The following ANKRD30B variants were observed in gnomAD, a reference collection of about 807,000 sequenced individuals.
The protein encoded by ANKRD30B is ankyrin repeat domain 30B.
ANKRD30B carries 144 observed loss-of-function variants against 202.2 expected under a neutral mutation model. The ratio of observed to expected loss-of-function variants is 0.71; its 90% CI spans 0.62 to 0.82. ANKRD30B has a LOEUF of 0.82. Among genes scored for constraint, ANKRD30B ranks in the 40% least tolerant of loss-of-function variants. The pLI, the probability that ANKRD30B is intolerant of heterozygous loss-of-function variation, is 0.00. For synonymous variants in ANKRD30B, 508 were observed against 561.3 expected (o/e 0.91, Z 1.34); for missense variants, 1,487 against 1,669.1 (o/e 0.89, Z 1.90).
At chr18:14,805,220 C>G (rs1395144405) in intron 24 of ANKRD30B, among the ~76,000 whole-genome samples, 1 of 150,938 alleles carries the variant, frequency 6.6e-6, no homozygotes, top group South Asian at 2.1e-4. Flanking sequence ...ATATACCAAA[C>G]CAGACTAATT....
At chr18:14,924,999 C>T in the ANKRD30B span, among the ~76,000 whole-genome samples, 2 of 152,208 alleles carry the variant, frequency 1.3e-5, no homozygotes, top group South Asian at 4.1e-4. Flanking sequence ...CAGTTATGAG[C>T]ACTGAATGGG....
the ANKRD30B span, among the ~76,000 whole-genome samples, chr18:14,874,084 G>A: frequency 1.3e-5 from 2 of 152,206 alleles, no homozygotes; most frequent in Admixed American, 6.5e-5. Flanking sequence ...TGGTGATTGT[G>A]TCTACCTCAA....
intron 8 of ANKRD30B, among the ~76,000 whole-genome samples, chr18:14,770,070 C>A (rs576385358): frequency 2.3e-4 from 35 of 152,126 alleles, no homozygotes; most frequent in Non-Finnish European, 4.4e-4. Flanking sequence ...TTCTTCAAAG[C>A]AGTTCCCTGC....
the ANKRD30B span, among the ~76,000 whole-genome samples, chr18:14,890,898 T>C: frequency 6.6e-6 from 1 of 152,124 alleles, no homozygotes; most frequent in African/African-American, 2.4e-5. Context: ...GTTGAAATAG[T>C]ATTTACAAAA....
chr18:14,785,887 A>G (rs990359473), intron 14 of ANKRD30B, among the ~76,000 whole-genome samples: 1 of 151,990 alleles, frequency 6.6e-6, no homozygotes, highest in Non-Finnish European at 1.5e-5. Context: ...AAATACAAAA[A>G]ATTAGCCGGG....
At chr18:14,764,248 T>C (rs1387572201) in intron 7 of ANKRD30B, among the ~76,000 whole-genome samples, 158 bp downstream of exon 7, 1 of 152,178 alleles carries the variant, frequency 6.6e-6, no homozygotes, top group Non-Finnish European at 1.5e-5. Flanking sequence ...GATCTTATTC[T>C]GTAGGCCCTG....
chr18:14,892,742 C>CAAAAAAAAAAAAAA, the ANKRD30B span, among the ~76,000 whole-genome samples: 3 of 72,902 alleles, frequency 4.1e-5, no homozygotes, highest in Admixed American at 2.1e-4. Flanking sequence ...TCTGTTTCAC[C>CAAAAAAAAAAAAAA]AAAAAAAAAA....
the ANKRD30B span, among the ~76,000 whole-genome samples, chr18:14,865,601 C>T: frequency 7.9e-5 from 12 of 151,574 alleles, no homozygotes; most frequent in African/African-American, 2.9e-4. Context: ...GTTTTTCCCC[C>T]TCCATCTACC....
At chr18:14,915,509 C>A in the ANKRD30B span, 1 of 152,166 alleles carries the variant, frequency 6.6e-6, no homozygotes, top group Non-Finnish European at 1.5e-5. Flanking sequence ...TTGCTGTTCC[C>A]CTCAGGGCCT....
At chr18:14,758,142 TG>T (rs938503137) in intron 5 of ANKRD30B, among the ~76,000 whole-genome samples, 190 bp downstream of exon 5, 1 of 152,212 alleles carries the variant, frequency 6.6e-6, no homozygotes, top group African/African-American at 2.4e-5. Context: ...ATCCTAATGT[TG>T]ACTGCTTGAT....
chr18:14,900,350 A>T, the ANKRD30B span, among the ~76,000 whole-genome samples: 1 of 152,284 alleles, frequency 6.6e-6, no homozygotes. Flanking sequence ...TAACTTTTCC[A>T]TCTACTATTT....
the ANKRD30B span, among the ~76,000 whole-genome samples, chr18:14,881,343 C>T: frequency 6.6e-6 from 1 of 152,028 alleles, no homozygotes. Context: ...TTGATATAAT[C>T]GTGTGAGTTT....
At chr18:14,840,988 T>C (rs978312414) in intron 37 of ANKRD30B, among the ~76,000 whole-genome samples, 3 of 152,110 alleles carry the variant, frequency 2.0e-5, no homozygotes, top group African/African-American at 7.2e-5. Flanking sequence ...CAGGTTTACA[T>C]AATGGAGAAT....
intron 11 of ANKRD30B, among the ~76,000 whole-genome samples, chr18:14,781,253 C>T (rs1160634204): frequency 6.7e-6 from 1 of 149,736 alleles, no homozygotes; most frequent in Non-Finnish European, 1.5e-5. Context: ...CCTTGTTTAC[C>T]TAAATATAGC....
At chr18:14,791,328 G>T in intron 15 of ANKRD30B, 73 bp from the exon 16 acceptor site, 2 of 1,283,320 alleles carry the variant, frequency 1.6e-6, no homozygotes, top group Non-Finnish European at 2.2e-6. Context: ...AAAGATTCTA[G>T]TTAGAAAATT....
intron 30 of ANKRD30B, among the ~76,000 whole-genome samples, chr18:14,817,941 T>A (rs1970203309): frequency 6.6e-6 from 1 of 152,204 alleles, no homozygotes; most frequent in Admixed American, 6.5e-5. Context: ...AAATTTTTTG[T>A]GTTTTAGAGA....
chr18:14,765,556 G>A (rs1915988729), intron 7 of ANKRD30B, among the ~76,000 whole-genome samples: 1 of 152,152 alleles, frequency 6.6e-6, no homozygotes, highest in Non-Finnish European at 1.5e-5. Context: ...AGTGAAAGCA[G>A]CCATAGATAA....
downstream of ANKRD30B, among the ~76,000 whole-genome samples, chr18:14,855,160 C>T (rs957272894): frequency 3.6e-4 from 55 of 152,094 alleles, no homozygotes; most frequent in Admixed American, 1.4e-3. Flanking sequence ...CATCTTGCAC[C>T]GCCCTTAATC....
At chr18:14,757,382 A>C (rs887720576) in intron 4 of ANKRD30B, among the ~76,000 whole-genome samples, 1 of 152,222 alleles carries the variant, frequency 6.6e-6, no homozygotes, top group African/African-American at 2.4e-5. Context: ...TGTCTCATAC[A>C]TTCTTATCAA....
Sources: gnomAD v4.1 joint callset for allele counts (sites outside exome capture counted in the v4.1 genomes callset) on GRCh38, gnomAD v4.1.1 for gene constraint, MANE v1.5 for transcripts, NCBI Gene and HGNC (gene_info 2026-07-23, HGNC 2026-07-21) for gene names.